Variants in ANK2 observed in about 807,000 individuals in gnomAD.
The protein encoded by ANK2 is ankyrin-2.
In ANK2, 83 loss-of-function variants were observed where a neutral mutation model predicts 360.5. That is an observed-to-expected ratio of 0.23 (90% confidence interval 0.19 to 0.28). ANK2 has a LOEUF of 0.28. Among genes scored for constraint, ANK2 ranks in the 10% least tolerant of loss-of-function variants. The pLI is 1.00. For synonymous variants in ANK2, 1,740 were observed against 1,759.5 expected (o/e 0.99, Z 0.28); for missense variants, 4,201 against 4,795.7 (o/e 0.88, Z 3.66).
At chr4:113,181,917 C>T (rs928358851) in intron 2 of ANK2, among the ~76,000 whole-genome samples, 1 of 152,082 alleles carries the variant, frequency 6.6e-6, no homozygotes, top group African/African-American at 2.4e-5. Context: ...TCCGAATGAG[C>T]AGAGAAGTGA....
chr4:112,863,705 G>A (rs1560841487), intron 1 of ANK2, among the ~76,000 whole-genome samples: 3 of 151,732 alleles, frequency 2.0e-5, no homozygotes, highest in Admixed American at 1.3e-4. Context: ...TGTATTTTTA[G>A]TAGAGACGGG....
chr4:113,146,550 G>A (rs768797501), intron 1 of ANK2, among the ~76,000 whole-genome samples: 12 of 151,818 alleles, frequency 7.9e-5, no homozygotes, highest in Admixed American at 1.3e-4. Flanking sequence ...AGGCTTAAAC[G>A]TTAAGCAATT....
At chr4:113,315,673 C>A (rs1052928476) in intron 24 of ANK2, among the ~76,000 whole-genome samples, 3 of 151,952 alleles carry the variant, frequency 2.0e-5, no homozygotes, top group Non-Finnish European at 4.4e-5. Flanking sequence ...CCAAGGTGGG[C>A]GGATCACGAG....
At chr4:112,878,645 T>G (rs1395125348) in intron 1 of ANK2, among the ~76,000 whole-genome samples, 1 of 151,110 alleles carries the variant, frequency 6.6e-6, no homozygotes, top group Non-Finnish European at 1.5e-5. Flanking sequence ...ATTAATTTTT[T>G]GTTTTTTAGA....
chr4:112,826,633 G>C, intron 1 of ANK2: 2 of 1,204,734 alleles, frequency 1.7e-6, no homozygotes, highest in Non-Finnish European at 2.4e-6. Context: ...GCTTCAGGAG[G>C]CAGTGAAAAA....
At chr4:113,034,955 T>C (rs572158193) in intron 2 of ANK2, among the ~76,000 whole-genome samples, 3 of 152,042 alleles carry the variant, frequency 2.0e-5, no homozygotes, top group South Asian at 4.2e-4. Context: ...TCAAGGCATA[T>C]ATAATGTAAT....
intron 1 of ANK2, among the ~76,000 whole-genome samples, chr4:113,102,776 A>C (rs2093074550): frequency 6.6e-6 from 1 of 152,154 alleles, no homozygotes; most frequent in Non-Finnish European, 1.5e-5. Context: ...ATTTCCTAGT[A>C]TCTTAATCAC....
the ANK2 span, among the ~76,000 whole-genome samples, chr4:112,805,309 TCA>T: frequency 0.023 from 3,535 of 152,246 alleles, 116 homozygotes; most frequent in African/African-American, 0.079. Context: ...AACTTAAGCT[TCA>T]TACATTTTTA....
At chr4:113,035,360 T>C (rs2061365194) in intron 2 of ANK2, among the ~76,000 whole-genome samples, 1 of 151,832 alleles carries the variant, frequency 6.6e-6, no homozygotes, top group African/African-American at 2.4e-5. Flanking sequence ...TAGAAAAAGC[T>C]TCATAGTCAG....
At chr4:112,989,948 C>A (rs941129208) in intron 2 of ANK2, among the ~76,000 whole-genome samples, 1 of 152,098 alleles carries the variant, frequency 6.6e-6, no homozygotes, top group African/African-American at 2.4e-5. Context: ...GATACTGTAG[C>A]AAACTAAATT....
intron 17 of ANK2, 51 bp from the exon 18 acceptor site, chr4:113,282,624 C>A: frequency 6.9e-7 from 1 of 1,439,336 alleles, no homozygotes; most frequent in Non-Finnish European, 9.6e-7. Flanking sequence ...CGTATTAGAG[C>A]AATTGTTAAT....
Position 113,336,774 on chromosome 4 carries a change from C to T in ANK2, c.3789C>T (p.Ser1263=). The change falls in exon 31 of 46, where the codon AGC becomes AGT. Residue 1263 remains serine (S), a synonymous_variant. Coordinates refer to ENST00000357077, the MANE Select transcript of ANK2 (RefSeq NM_001148.6). ...CACCAACCTTAAGATTACTATGCAGCATAACAGGTGAGTCACATATGACTG... is the reference window on the plus strand; with the variant it reads ...CACCAACCTTAAGATTACTATGCAGTATAACAGGTGAGTCACATATGACTG... ...GDAPTLRLLC[S]ITGGTTPAQW... The T allele has an allele frequency of 6.2e-7, 1 of 1,613,942 alleles. No homozygotes were observed. The highest frequency in any genetic ancestry group is 8.5e-7 in the Non-Finnish European group (1 of 1,179,884).
chr4:113,319,683 A>G (rs1195430392), intron 26 of ANK2, among the ~76,000 whole-genome samples: 1 of 152,128 alleles, frequency 6.6e-6, no homozygotes, highest in Non-Finnish European at 1.5e-5. Flanking sequence ...AAACAATCCT[A>G]ATACTTTTTT....
chr4:112,989,003 G>A (rs2045868069), intron 2 of ANK2, among the ~76,000 whole-genome samples: 1 of 152,152 alleles, frequency 6.6e-6, no homozygotes, highest in African/African-American at 2.4e-5. Context: ...GACAAATGCT[G>A]CTTTAATTTT....
At chr4:112,722,393 A>C in the ANK2 span, among the ~76,000 whole-genome samples, 1 of 152,196 alleles carries the variant, frequency 6.6e-6, no homozygotes, top group Non-Finnish European at 1.5e-5. Flanking sequence ...TCACGTGCAC[A>C]TATACACACA....
rs372570166 is a variant in ANK2 at position 113,336,102 on chromosome 4, T to C, written c.3591+45T>C. ...AAATGATCCTAACAGGATTGTATTC[T>C]AATGATTAAAAATTAGCTTTGTCAA... On this transcript the variant is annotated intron_variant, in intron 30 of 45. Coordinates refer to ENST00000357077, the MANE Select transcript of ANK2 (RefSeq NM_001148.6). 4.3e-5 allele frequency: 69 copies of C among 1,592,974 alleles called. No individual in the cohort carries two copies. In the African/African-American group the frequency reaches 8.6e-4, roughly 20 times the overall value.
In ANK2 at chr4:113,042,394, G is replaced by A. The variant is rs1016626010; in HGVS notation, c.22-132022G>A. Among the ~76,000 whole-genome samples, 5 of 152,212 alleles carry A rather than the reference G, an allele frequency of 3.3e-5. No individual in the cohort carries two copies. In the East Asian group the frequency reaches 9.7e-4, roughly 29 times the overall value. On this transcript the variant is annotated intron_variant, in intron 2 of 30. Coordinates refer to the ANK2 transcript ENST00000503271. ...TGTGGGACTTCTCAGCCTCTGCAGT[G>A]GTATGAGCCAATTTCCATAATAAAT...
At chr4:113,252,194 A>G (rs140901986) in intron 10 of ANK2, among the ~76,000 whole-genome samples, 1 of 152,338 alleles carries the variant, frequency 6.6e-6, no homozygotes, top group African/African-American at 2.4e-5. Flanking sequence ...CTTTCCCCTT[A>G]TAAAACCATC....
chr4:113,320,729 C>T (rs1259411885), intron 26 of ANK2, among the ~76,000 whole-genome samples: 4 of 152,146 alleles, frequency 2.6e-5, no homozygotes, highest in African/African-American at 9.7e-5. Flanking sequence ...GGAGGCCTGG[C>T]ATTGATACTG....
Sources: allele counts gnomAD v4.1 joint callset (sites outside exome capture counted in the v4.1 genomes callset), GRCh38; gene constraint gnomAD v4.1.1; transcripts MANE v1.5; gene names NCBI Gene and HGNC (gene_info 2026-07-23, HGNC 2026-07-21).